Variants in HPSE2 observed in about 807,000 individuals in gnomAD.
HPSE2 encodes heparanase 2 (inactive), also known as inactive heparanase-2.
Under a neutral mutation model 60.5 loss-of-function variants are expected in HPSE2, and 38 were observed. That is an observed-to-expected ratio of 0.63 (90% confidence interval 0.48 to 0.82). The LOEUF (loss-of-function observed/expected upper bound fraction) is 0.82, where lower values mean the gene tolerates loss of function less well. Ranked by LOEUF, HPSE2 falls within the 40% of genes least tolerant of loss-of-function variation. HPSE2 has a pLI of 0.00. For synonymous variants in HPSE2, 295 were observed against 293.2 expected, an observed-to-expected ratio of 1.01 and a Z score of -0.06; for missense variants, 713 against 740.4, an observed-to-expected ratio of 0.96 and a Z score of 0.43.
chr10:99,042,902 C>T (rs1038426343), intron 3 of HPSE2, among the ~76,000 whole-genome samples: 11 of 152,132 alleles, frequency 7.2e-5, no homozygotes, highest in African/African-American at 2.7e-4. Flanking sequence ...TGGCCTTAAG[C>T]GCCATCTACT....
intron 3 of HPSE2, among the ~76,000 whole-genome samples, chr10:98,900,741 T>A (rs1337181366): frequency 6.6e-6 from 1 of 152,066 alleles, no homozygotes; most frequent in African/African-American, 2.4e-5. Flanking sequence ...TGTGGAAAAA[T>A]CAAATCTCTC....
At position 98,919,761 on chromosome 10, in the gene HPSE2, T is replaced by A. The variant is rs552521207; in HGVS notation, c.611-175705A>T. 8.2e-4 allele frequency among the ~76,000 whole-genome samples: 124 copies of A among 151,874 alleles called. 1 individual carries two copies. In the Middle Eastern group the frequency reaches 0.024, roughly 29 times the overall value. On this transcript the variant is annotated intron_variant, in intron 3 of 11. Transcript: ENST00000370552. ...AAGTTTTAACAAATTCCAGAAAAAA[T>A]AAAAATAAAAGTACAGATAGTTGGA...
intron 3 of HPSE2, among the ~76,000 whole-genome samples, chr10:98,852,565 AG>A (rs1322838198): frequency 6.6e-6 from 1 of 152,224 alleles, no homozygotes; most frequent in Non-Finnish European, 1.5e-5. Flanking sequence ...TGCTATACAG[AG>A]GCCAAGAAGA....
At chr10:99,311,131 G>A in the HPSE2 span, among the ~76,000 whole-genome samples, 1 of 151,914 alleles carries the variant, frequency 6.6e-6, no homozygotes, top group South Asian at 2.1e-4. Flanking sequence ...TTGACCATAA[G>A]GCTTTGAGTA....
chr10:98,942,738 C>T (rs1955049760), intron 3 of HPSE2, among the ~76,000 whole-genome samples: 1 of 152,042 alleles, frequency 6.6e-6, no homozygotes, highest in Non-Finnish European at 1.5e-5. Flanking sequence ...TGGGTATATA[C>T]CCAAAGGACT....
At chr10:98,898,363 T>C (rs1213641036) in intron 3 of HPSE2, among the ~76,000 whole-genome samples, 1 of 152,052 alleles carries the variant, frequency 6.6e-6, no homozygotes, top group Non-Finnish European at 1.5e-5. Flanking sequence ...TAAACAAATA[T>C]GGTACATCAT....
chr10:98,509,792 A>G (rs1942327326), intron 9 of HPSE2, among the ~76,000 whole-genome samples: 1 of 152,078 alleles, frequency 6.6e-6, no homozygotes, highest in Non-Finnish European at 1.5e-5. Flanking sequence ...GAGCCACCGC[A>G]CCTGGCTTCA....
At chr10:99,246,632 A>T in the HPSE2 span, among the ~76,000 whole-genome samples, 1 of 152,114 alleles carries the variant, frequency 6.6e-6, no homozygotes, top group Non-Finnish European at 1.5e-5. Flanking sequence ...CTTTAGTCCC[A>T]ACTACTCAGG....
intron 3 of HPSE2, among the ~76,000 whole-genome samples, chr10:98,936,260 G>A (rs1445441357): frequency 6.9e-6 from 1 of 144,144 alleles, no homozygotes; most frequent in Admixed American, 6.9e-5. Flanking sequence ...GGGACCCACT[G>A]AGCAAGACCA....
chr10:98,934,878 T>G (rs952728005), intron 3 of HPSE2, among the ~76,000 whole-genome samples: 6 of 143,544 alleles, frequency 4.2e-5, no homozygotes, highest in Non-Finnish European at 8.9e-5. Context: ...TGAAGGGTGT[T>G]TTACAACTTG....
chr10:98,515,008 G>A (rs1256516677), intron 9 of HPSE2, among the ~76,000 whole-genome samples: 3 of 152,150 alleles, frequency 2.0e-5, no homozygotes, highest in African/African-American at 7.2e-5. Context: ...ACAGGCGTGA[G>A]CCACCGCGCC....
intron 3 of HPSE2, among the ~76,000 whole-genome samples, chr10:98,770,296 A>C (rs1393928047): frequency 1.3e-5 from 2 of 152,224 alleles, no homozygotes; most frequent in Non-Finnish European, 2.9e-5. Context: ...GAATGGTGGA[A>C]TCTGATCCCT....
intron 3 of HPSE2, among the ~76,000 whole-genome samples, chr10:98,746,132 C>A (rs886220962): frequency 3.5e-5 from 5 of 143,264 alleles, no homozygotes; most frequent in South Asian, 2.3e-4. Context: ...TTACATCATA[C>A]TCTACCCAGA....
chr10:98,500,971 A>T (rs902537227), intron 9 of HPSE2, among the ~76,000 whole-genome samples: 1 of 152,112 alleles, frequency 6.6e-6, no homozygotes, highest in African/African-American at 2.4e-5. Context: ...ATTCCTGGAA[A>T]AATACCCTCC....
chr10:99,078,374 T>C (rs961797743), intron 3 of HPSE2, among the ~76,000 whole-genome samples: 1 of 152,178 alleles, frequency 6.6e-6, no homozygotes, highest in African/African-American at 2.4e-5. Flanking sequence ...TAATATAATA[T>C]GGGATGGTAT....
the HPSE2 span, among the ~76,000 whole-genome samples, chr10:99,255,516 C>T: frequency 2.3e-3 from 346 of 151,804 alleles, 1 homozygote; most frequent in Non-Finnish European, 3.5e-3. Context: ...ATAAATATAA[C>T]TCAACATACT....
chr10:99,085,769 C>T (rs572775919), intron 3 of HPSE2, among the ~76,000 whole-genome samples: 2 of 152,206 alleles, frequency 1.3e-5, no homozygotes, highest in Non-Finnish European at 2.9e-5. Flanking sequence ...GGGCAAAAGC[C>T]GAATTCCTCA....
At chr10:98,469,023 G>C (rs1940670898) in intron 11 of HPSE2, among the ~76,000 whole-genome samples, 1 of 152,120 alleles carries the variant, frequency 6.6e-6, no homozygotes, top group Non-Finnish European at 1.5e-5. Flanking sequence ...GAGAGCTGGG[G>C]GTTTTGTAGG....
chr10:98,819,016 T>C (rs905622415), intron 3 of HPSE2, among the ~76,000 whole-genome samples: 4 of 152,212 alleles, frequency 2.6e-5, no homozygotes, highest in African/African-American at 9.6e-5. Flanking sequence ...TAAAACATGG[T>C]ACTTTAACAC....
Sources: gnomAD v4.1 joint callset for allele counts (sites outside exome capture counted in the v4.1 genomes callset) on GRCh38, gnomAD v4.1.1 for gene constraint, MANE v1.5 for transcripts, NCBI Gene and HGNC (gene_info 2026-07-23, HGNC 2026-07-21) for gene names.